Variants in MPPED1 observed in about 807,000 individuals in gnomAD.
MPPED1 encodes metallophosphoesterase domain containing 1.
In MPPED1, 16 loss-of-function variants were observed where a neutral mutation model predicts 36.2. The observed-to-expected ratio is 0.44, with a 90% confidence interval of 0.30 to 0.67. The LOEUF (loss-of-function observed/expected upper bound fraction) is 0.67. Among genes scored for constraint, MPPED1 ranks in the 30% least tolerant of loss-of-function variants. The pLI, the probability that MPPED1 is intolerant of heterozygous loss-of-function variation, is 0.10. For synonymous variants in MPPED1, 199 were observed against 191.3 expected (o/e 1.04, Z -0.33); for missense variants, 307 against 453.4 (o/e 0.68, Z 2.93).
chr22:43,432,851 AGAG>A, intron 2 of MPPED1, among the ~76,000 whole-genome samples: 2 of 87,290 alleles, frequency 2.3e-5, no homozygotes, highest in Non-Finnish European at 5.5e-5. Context: ...GAAAGGGAGG[AGAG>A]AGAGAAAGGG....
intron 2 of MPPED1, among the ~76,000 whole-genome samples, chr22:43,432,212 G>GAA (rs1763197591): frequency 2.9e-5 from 1 of 34,458 alleles, no homozygotes; most frequent in African/African-American, 6.9e-5. Context: ...CACAGAGAGA[G>GAA]AGAGAGAGAC....
intron 3 of MPPED1, among the ~76,000 whole-genome samples, chr22:43,473,800 C>G (rs1931455509): frequency 6.6e-6 from 1 of 152,154 alleles, no homozygotes. Flanking sequence ...GCCTGCCGGG[C>G]AGCTGCCGAG....
At chr22:43,422,126 G>A (rs888830338) in intron 1 of MPPED1, among the ~76,000 whole-genome samples, 4 of 152,170 alleles carry the variant, frequency 2.6e-5, no homozygotes, top group African/African-American at 7.2e-5. Context: ...AGGAGACCCC[G>A]GCATTGCTGA....
intron 5 of MPPED1, among the ~76,000 whole-genome samples, chr22:43,499,520 G>GTGA (rs1932555268): frequency 6.9e-6 from 1 of 145,080 alleles, no homozygotes. Context: ...GGTGATGGTG[G>GTGA]TGGTGATGGA....
chr22:43,504,307 TTGG>T (rs1220932754), intron 6 of MPPED1, among the ~76,000 whole-genome samples: 2 of 151,702 alleles, frequency 1.3e-5, no homozygotes, highest in South Asian at 2.1e-4. Context: ...GACAGTGGTG[TTGG>T]TGGTGATGAT....
At chr22:43,455,115 CTTTT>C (rs71284734) in intron 3 of MPPED1, among the ~76,000 whole-genome samples, 1 of 122,768 alleles carries the variant, frequency 8.1e-6, no homozygotes. Context: ...CCTTCATGTC[CTTTT>C]TTTTTTTTGA....
At position 43,425,169 on chromosome 22, in the gene MPPED1, A is replaced by G. The variant is rs1299126363; in HGVS notation, c.184A>G (p.Asn62Asp). 1 of 1,610,376 alleles carries G rather than the reference A, an allele frequency of 6.2e-7. No homozygotes were observed. Among genetic ancestry groups the G allele is most frequent in the Admixed American group, 1.7e-5 (1 of 59,966 alleles). ...SNPTQAFTFY[N>D]INQGRFQPPH... Reference sequence around the variant, plus strand: ...CCCCACCCAGGCCTTCACCTTCTACAACATCAACCAGGGCCGCTTCCAGCC... The same window carrying G: ...CCCCACCCAGGCCTTCACCTTCTACGACATCAACCAGGGCCGCTTCCAGCC... Residue 62 changes from asparagine (N) to aspartate (D), a missense_variant, in exon 2 of 7, where the codon AAC (asparagine) becomes GAC (aspartate). Physicochemically the swap from Asn to Asp is conservative, Grantham distance 23. This residue lies in a region of MPPED1 where 169 missense variants were observed against 212.3 expected (regional missense o/e 0.80). Transcript: ENST00000443721.
chr22:43,495,654 T>G (rs1932283675), intron 4 of MPPED1, among the ~76,000 whole-genome samples: 1 of 70,196 alleles, frequency 1.4e-5, no homozygotes. Flanking sequence ...ATGGTGGAGG[T>G]AGTGGTGGTG....
chr22:43,487,133 C>T (rs909280415), intron 4 of MPPED1, among the ~76,000 whole-genome samples: 23 of 152,052 alleles, frequency 1.5e-4, no homozygotes, highest in African/African-American at 2.9e-4. Flanking sequence ...TCCCTGAAGC[C>T]GGCCTGGGCA....
Position 43,473,241 on chromosome 22 carries a change from G to A in MPPED1, c.407-1495G>A, listed in dbSNP as rs1431306921. 3.3e-5 allele frequency among the ~76,000 whole-genome samples: 5 copies of A among 152,224 alleles called. No homozygotes were observed. In the East Asian group the frequency reaches 9.6e-4, roughly 29 times the overall value. On this transcript the variant is annotated intron_variant, in intron 3 of 6. Coordinates refer to ENST00000443721, the MANE Select transcript of MPPED1 (RefSeq NM_001044370.2). ...GTGCTGCTGGGCATTGCCCCGGGAG[G>A]GTGAGGAGTGAAGGGGGTGTCAGGG...
intron 3 of MPPED1, among the ~76,000 whole-genome samples, chr22:43,436,822 A>G (rs1336207564): frequency 6.6e-6 from 1 of 152,154 alleles, no homozygotes; most frequent in Non-Finnish European, 1.5e-5. Context: ...TGCCTTGTTG[A>G]ATTTGGGAAC....
intron 3 of MPPED1, among the ~76,000 whole-genome samples, chr22:43,456,780 G>C (rs1930770956): frequency 1.3e-5 from 2 of 152,218 alleles, no homozygotes; most frequent in Non-Finnish European, 2.9e-5. Flanking sequence ...ACAGGCGTGA[G>C]CCACCGCACC....
intron 4 of MPPED1, among the ~76,000 whole-genome samples, chr22:43,487,866 C>T (rs1180997430): frequency 1.3e-5 from 2 of 152,086 alleles, no homozygotes; most frequent in Admixed American, 6.5e-5. Context: ...AGCTACTAGA[C>T]GTGACAGCGA....
intron 3 of MPPED1, among the ~76,000 whole-genome samples, chr22:43,469,458 A>G (rs147205478): frequency 0.038 from 141 of 3,676 alleles, no homozygotes; most frequent in African/African-American, 0.078. Context: ...AATCGTATCT[A>G]TGTTCGGGTT....
intron 5 of MPPED1, among the ~76,000 whole-genome samples, chr22:43,500,278 CGGTGGTGATGGGGGTGGT>C (rs1283998762): frequency 1.0e-3 from 20 of 19,862 alleles, no homozygotes; most frequent in African/African-American, 7.0e-3. Flanking sequence ...ATGGAGGTGG[CGGTGGTGATGGGGGTGGT>C]GGTGGTGATG....
rs1186788018 is a variant in MPPED1, at chr22:43,502,278, C to T, written c.749-366C>T. On this transcript the variant is annotated intron_variant, in intron 5 of 6. Transcript: ENST00000443721. This position sits in a 1 kb window ranked among gnomAD's most constrained non-coding sequence, Gnocchi z 5.5. ...GACTCACCCGTCCCTCTCTGGCCTC[C>T]GTTTGCTGATCTCTGCGGTGGGCGG... Among the ~76,000 whole-genome samples, 2 of 152,162 alleles carry T rather than the reference C, an allele frequency of 1.3e-5. No homozygotes were observed. Among genetic ancestry groups the T allele is most frequent in the East Asian group, 1.9e-4 (1 of 5,188 alleles).
chr22:43,424,657 G>A (rs747452223), intron 1 of MPPED1, among the ~76,000 whole-genome samples: 11 of 150,902 alleles, frequency 7.3e-5, no homozygotes, highest in Admixed American at 3.3e-4. Flanking sequence ...GCATGCATCC[G>A]TCCACAGTGC....
At chr22:43,482,844 C>T (rs572372946) in intron 4 of MPPED1, among the ~76,000 whole-genome samples, 126 of 152,344 alleles carry the variant, frequency 8.3e-4, no homozygotes, top group Non-Finnish European at 8.4e-4. Flanking sequence ...TCCTTCCCTT[C>T]CCTTTTTGCG....
chr22:43,461,873 A>T (rs1930968883), intron 3 of MPPED1, among the ~76,000 whole-genome samples: 1 of 152,162 alleles, frequency 6.6e-6, no homozygotes, highest in Non-Finnish European at 1.5e-5. Context: ...CATCTGCCAA[A>T]TATTAATAAT....
Sources: allele counts gnomAD v4.1 joint callset (sites outside exome capture counted in the v4.1 genomes callset), GRCh38; gene constraint gnomAD v4.1.1; regional missense constraint gnomAD v4.1.1; non-coding constraint Gnocchi (gnomAD v3.1); transcripts MANE v1.5; gene names NCBI Gene and HGNC (gene_info 2026-07-23, HGNC 2026-07-21).